The following TRPC4 variants were observed in gnomAD, a reference collection of about 807,000 sequenced individuals.
The protein encoded by TRPC4 is transient receptor potential cation channel subfamily C member 4.
A neutral mutation model predicts 99.4 loss-of-function variants in TRPC4; 49 were observed. The ratio of observed to expected loss-of-function variants is 0.49; its 90% CI spans 0.39 to 0.63. TRPC4 has a LOEUF of 0.63. Among genes scored for constraint, TRPC4 ranks in the 20% least tolerant of loss-of-function variants. The pLI is 0.00. For missense variants in TRPC4, 898 were observed against 1,152.9 expected (o/e 0.78, Z 3.20); for synonymous variants, 454 against 425.9 (o/e 1.07, Z -0.81).
At chr13:37,676,225 G>T (rs1302562416) in intron 4 of TRPC4, among the ~76,000 whole-genome samples, 1 of 146,078 alleles carries the variant, frequency 6.8e-6, no homozygotes, top group Admixed American at 6.9e-5. Context: ...TATTCAAACC[G>T]TCAAAAACAA....
intron 8 of TRPC4, among the ~76,000 whole-genome samples, chr13:37,640,979 A>G (rs949188217): frequency 3.3e-5 from 5 of 152,170 alleles, no homozygotes; most frequent in African/African-American, 1.2e-4. Context: ...TCTAAAATCC[A>G]ATGAGGAAAT....
intron 1 of TRPC4, among the ~76,000 whole-genome samples, chr13:37,812,197 C>CAAAAAAAAAAAAAAAAAAAAAA (rs1156963631): frequency 3.9e-4 from 43 of 111,198 alleles, no homozygotes; most frequent in East Asian, 1.1e-3. Context: ...AAAAAAAAAC[C>CAAAAAAAAAAAAAAAAAAAAAA]AGGAGATCTA....
At chr13:37,815,416 T>C (rs770371958) in intron 1 of TRPC4, among the ~76,000 whole-genome samples, 1 of 151,852 alleles carries the variant, frequency 6.6e-6, no homozygotes, top group Non-Finnish European at 1.5e-5. Flanking sequence ...AGTAAAGAGA[T>C]GGAGAAAAAT....
intron 10 of TRPC4, 96 bp downstream of exon 10, chr13:37,638,944 C>A (rs924091885): frequency 4.0e-5 from 51 of 1,271,020 alleles, no homozygotes; most frequent in Non-Finnish European, 5.6e-5. Context: ...CTTGCTGGAA[C>A]ACACAGCTGC....
intron 6 of TRPC4, among the ~76,000 whole-genome samples, chr13:37,659,688 C>A (rs1017348338): frequency 6.6e-6 from 1 of 151,930 alleles, no homozygotes. Context: ...AGGCAGAGAC[C>A]AGGGGCAGGG....
intron 2 of TRPC4, among the ~76,000 whole-genome samples, chr13:37,774,874 T>A (rs952990694): frequency 3.3e-5 from 5 of 151,806 alleles, no homozygotes; most frequent in Non-Finnish European, 7.4e-5. Flanking sequence ...TGTATTTTCA[T>A]AATTCCCAAT....
At chr13:37,772,510 T>C (rs907953927) in intron 2 of TRPC4, among the ~76,000 whole-genome samples, 18 of 151,854 alleles carry the variant, frequency 1.2e-4, no homozygotes, top group Non-Finnish European at 2.5e-4. Flanking sequence ...TATATATAAA[T>C]ATATTTGTGT....
At chr13:37,869,272 C>T (rs758563816) in intron 1 of TRPC4, among the ~76,000 whole-genome samples, 36 of 152,066 alleles carry the variant, frequency 2.4e-4, no homozygotes, top group Non-Finnish European at 4.7e-4. Flanking sequence ...GCTGCAGCTC[C>T]TTTGTTTACC....
chr13:37,865,753 C>T (rs1392425414), intron 1 of TRPC4, among the ~76,000 whole-genome samples: 1 of 151,296 alleles, frequency 6.6e-6, no homozygotes, highest in East Asian at 1.9e-4. Context: ...TAGTCTTTAC[C>T]ATCAGGTAGA....
At position 37,636,779 on chromosome 13, in the gene TRPC4, G is replaced by GTTTA; in HGVS notation, c.*123_*124insTAAA. 2.8e-5 allele frequency: 38 copies of GTTTA among 1,358,802 alleles called. No homozygotes were observed. The highest frequency in any genetic ancestry group is 2.7e-4 in the Middle Eastern group (1 of 3,700). 84.2% of individuals were successfully genotyped at this position (1,358,802 alleles called of 1,614,324 possible). A position where few individuals can be genotyped will look rare whatever the true frequency, so the allele number is the denominator to read the frequency against. ...TATTTAAACATGTTACAGGTAATAT[G>GTTTA]CCACAGCTGATAAACGCTATAAAGT... On this transcript the variant is annotated 3_prime_UTR_variant, in exon 11 of 11. Coordinates refer to ENST00000379705, the MANE Select transcript of TRPC4 (RefSeq NM_016179.4).
intron 4 of TRPC4, among the ~76,000 whole-genome samples, chr13:37,682,231 CG>C (rs1443395256): frequency 6.6e-6 from 1 of 152,122 alleles, no homozygotes; most frequent in Non-Finnish European, 1.5e-5. Context: ...GCAAAGCTGT[CG>C]GGGGCCTGAC....
intron 5 of TRPC4, among the ~76,000 whole-genome samples, chr13:37,666,504 C>T (rs151026942): frequency 0.015 from 2,236 of 152,208 alleles, 29 homozygotes; most frequent in Admixed American, 0.025. Context: ...GAATTTTTAT[C>T]CCATCCTTCA....
chr13:37,770,217 T>G (rs1956511008), intron 2 of TRPC4, among the ~76,000 whole-genome samples: 2 of 151,620 alleles, frequency 1.3e-5, no homozygotes, highest in South Asian at 4.1e-4. Context: ...CAGGCCTGAC[T>G]CAAGGACTAA....
At chr13:37,745,463 TATATATATATACACACAC>T (rs1955728804) in intron 3 of TRPC4, among the ~76,000 whole-genome samples, 1 of 46,220 alleles carries the variant, frequency 2.2e-5, no homozygotes, top group Admixed American at 2.4e-4. Flanking sequence ...TATATATATA[TATATATATATACACACAC>T]ACACACACTT....
At chr13:37,706,293 A>G (rs7319926) in intron 3 of TRPC4, among the ~76,000 whole-genome samples, 77,312 of 151,932 alleles carry the variant, frequency 0.51, 19,886 homozygotes, top group Non-Finnish European at 0.52. Flanking sequence ...CAGTAACCTC[A>G]ACAACAAGGA....
At chr13:37,868,266 C>T (rs1959903253) in intron 1 of TRPC4, among the ~76,000 whole-genome samples, 1 of 148,506 alleles carries the variant, frequency 6.7e-6, no homozygotes, top group Admixed American at 6.8e-5. Flanking sequence ...GACCAGTGAG[C>T]AAGTAAATTG....
chr13:37,738,597 G>A (rs865875707), intron 3 of TRPC4, among the ~76,000 whole-genome samples: 39 of 152,120 alleles, frequency 2.6e-4, no homozygotes, highest in African/African-American at 8.7e-4. Context: ...TGGGATATAT[G>A]CAGCAATGTA....
chr13:37,838,765 T>C (rs1254348475), intron 1 of TRPC4, among the ~76,000 whole-genome samples: 1 of 152,172 alleles, frequency 6.6e-6, no homozygotes, highest in Non-Finnish European at 1.5e-5. Flanking sequence ...AGAGAAGCAT[T>C]AAAGGAAAGT....
intron 2 of TRPC4, among the ~76,000 whole-genome samples, chr13:37,751,025 G>C (rs1040372732): frequency 1.5e-4 from 23 of 152,046 alleles, no homozygotes; most frequent in Admixed American, 5.2e-4. Flanking sequence ...TGGAGATGTG[G>C]CATTCATAAC....
Sources: allele counts gnomAD v4.1 joint callset (sites outside exome capture counted in the v4.1 genomes callset), GRCh38; gene constraint gnomAD v4.1.1; transcripts MANE v1.5; gene names NCBI Gene and HGNC (gene_info 2026-07-23, HGNC 2026-07-21).